Variants in ALK observed in about 807,000 individuals in gnomAD.
ALK encodes ALK tyrosine kinase receptor.
In ALK, 74 loss-of-function variants were observed where a neutral mutation model predicts 163.1. The ratio of observed to expected loss-of-function variants is 0.45; its 90% confidence interval spans 0.38 to 0.55. ALK has a LOEUF of 0.55. Ranked by LOEUF, ALK falls within the 20% of genes least tolerant of loss-of-function variation. The probability of loss-of-function intolerance (pLI) is 0.00; values close to 1 mark genes in which losing one functional copy is unlikely to be tolerated. For synonymous variants in ALK, 960 were observed against 843.2 expected, an observed-to-expected ratio of 1.14 and a Z score of -2.40; for missense variants, 2,063 against 2,105.3, an observed-to-expected ratio of 0.98 and a Z score of 0.39.
At chr2:29,771,043 GCACA>G (rs1681008871) in intron 1 of ALK, among the ~76,000 whole-genome samples, 1 of 150,984 alleles carries the variant, frequency 6.6e-6, no homozygotes, top group Non-Finnish European at 1.5e-5. Context: ...ACACATACAT[GCACA>G]CATACACAGA....
At chr2:29,241,852 A>G (rs921222997) in intron 12 of ALK, among the ~76,000 whole-genome samples, 1 of 152,132 alleles carries the variant, frequency 6.6e-6, no homozygotes, top group Non-Finnish European at 1.5e-5. Context: ...AGAGGGACTA[A>G]GTAACTCATC....
chr2:29,296,780 T>G, intron 9 of ALK, 108 bp downstream of exon 9: 3 of 1,355,364 alleles, frequency 2.2e-6, no homozygotes, highest in Non-Finnish European at 3.1e-6. Flanking sequence ...TGTGGGCACA[T>G]CTGCATGTGT....
intron 1 of ALK, among the ~76,000 whole-genome samples, chr2:29,789,703 C>T (rs182380868): frequency 1.3e-5 from 2 of 152,308 alleles, no homozygotes; most frequent in East Asian, 3.9e-4. Flanking sequence ...TGTTGTCCAG[C>T]TAAATCTCAA....
chr2:29,622,226 C>A (rs369913325), intron 3 of ALK, among the ~76,000 whole-genome samples: 1 of 152,060 alleles, frequency 6.6e-6, no homozygotes, highest in East Asian at 1.9e-4. Flanking sequence ...AACCAACCAA[C>A]AAATAAAAAG....
At chr2:29,229,840 C>T (rs1272876349) in intron 15 of ALK, among the ~76,000 whole-genome samples, 2 of 152,206 alleles carry the variant, frequency 1.3e-5, no homozygotes, top group African/African-American at 4.8e-5. Context: ...GGAACTGCTC[C>T]AAGGTCAGGA....
At chr2:29,745,452 G>A (rs1411659444) in intron 1 of ALK, among the ~76,000 whole-genome samples, 1 of 152,164 alleles carries the variant, frequency 6.6e-6, no homozygotes. Flanking sequence ...ATAATAAAAT[G>A]AGCAAAACCT....
At position 29,920,660 on chromosome 2, in the gene ALK, C is replaced by A. The variant is rs1256617432; in HGVS notation, c.-1G>T. The A allele has an allele frequency of 6.5e-7, 1 of 1,535,468 alleles. No homozygotes were observed. Among genetic ancestry groups the A allele is most frequent in the East Asian group, 2.4e-5 (1 of 40,960 alleles). On this transcript the variant is annotated 5_prime_UTR_variant, in exon 1 of 29. Transcript: ENST00000389048. ...GCCACAGGAGCCCGATGGCTCCCATCCCGCCGGAGGAGGCCGTTTACACTG... is the reference window on the plus strand; with the variant it reads ...GCCACAGGAGCCCGATGGCTCCCATACCGCCGGAGGAGGCCGTTTACACTG...
rs574551168 is a variant in ALK at position 29,856,395 on chromosome 2, T to TA, written c.667+63597dup. Among the ~76,000 whole-genome samples the TA allele has an allele frequency of 1.7e-3, 259 of 152,368 alleles. 2 individuals carry two copies. The highest frequency in any genetic ancestry group is 0.01 in the Middle Eastern group (3 of 294). On this transcript the variant is annotated intron_variant, in intron 1 of 28. Coordinates refer to ENST00000389048, the MANE Select transcript of ALK (RefSeq NM_004304.5). The stretch of plus-strand genomic sequence containing the variant: ...AAATTACCCGAACTACTACCTGTAA[T>TA]ATAAGCTATCATAGTGAAAGCAGCT...
At chr2:29,870,552 A>G (rs1666551245) in intron 1 of ALK, among the ~76,000 whole-genome samples, 1 of 152,180 alleles carries the variant, frequency 6.6e-6, no homozygotes, top group Non-Finnish European at 1.5e-5. Context: ...AACCATATCA[A>G]CCACCATTAA....
At chr2:29,869,265 C>T (rs112189913) in intron 1 of ALK, among the ~76,000 whole-genome samples, 1,741 of 152,210 alleles carry the variant, frequency 0.011, 16 homozygotes, top group Non-Finnish European at 0.017. Context: ...AATATAGAGC[C>T]CTACCTTAAC....
chr2:29,838,748 T>G (rs1485639199), intron 1 of ALK, among the ~76,000 whole-genome samples: 1 of 152,068 alleles, frequency 6.6e-6, no homozygotes, highest in African/African-American at 2.4e-5. Context: ...TGAATAACAG[T>G]GTTTGCCTCT....
rs148641655 is a variant in ALK, at chr2:29,558,908, T to C, written c.953-26792A>G. Among the ~76,000 whole-genome samples the C allele has an allele frequency of 2.3e-3, 353 of 152,298 alleles. 5 individuals carry two copies. Among genetic ancestry groups the C allele is most frequent in the African/African-American group, 8.3e-3 (344 of 41,564 alleles). On this transcript the variant is annotated intron_variant, in intron 3 of 28. Transcript: ENST00000389048. ...AAGGGACTATAGGGGTTTAGAAATG[T>C]GAAATAATCTATCAATTATTTTAAG...
At chr2:29,214,908 C>T in intron 23 of ALK, among the ~76,000 whole-genome samples, 1 of 152,220 alleles carries the variant, frequency 6.6e-6, no homozygotes. Flanking sequence ...AGGGATCTCA[C>T]CCTCCCACAG....
intron 3 of ALK, among the ~76,000 whole-genome samples, chr2:29,612,564 G>A (rs547590262): frequency 5.9e-5 from 9 of 152,144 alleles, no homozygotes; most frequent in African/African-American, 2.2e-4. Flanking sequence ...GTTCTCCCTT[G>A]AGGTCATTCA....
chr2:29,879,366 C>T (rs1666799533), intron 1 of ALK, among the ~76,000 whole-genome samples: 1 of 152,238 alleles, frequency 6.6e-6, no homozygotes, highest in Non-Finnish European at 1.5e-5. Context: ...CAACACACTG[C>T]TTCCTCCATC....
intron 5 of ALK, among the ~76,000 whole-genome samples, chr2:29,383,466 A>G (rs890630353): frequency 6.6e-6 from 1 of 152,120 alleles, no homozygotes; most frequent in Admixed American, 6.6e-5. Context: ...ACAGACGCAC[A>G]TCACCACACC....
chr2:29,312,057 C>T (rs1666712306), intron 8 of ALK, among the ~76,000 whole-genome samples: 1 of 151,836 alleles, frequency 6.6e-6, no homozygotes, highest in Non-Finnish European at 1.5e-5. Context: ...GGGCAACACC[C>T]CTCTCCACTG....
chr2:29,368,501 A>C (rs1668565980), intron 5 of ALK, among the ~76,000 whole-genome samples: 1 of 152,232 alleles, frequency 6.6e-6, no homozygotes, highest in African/African-American at 2.4e-5. Context: ...TGAATTCTCT[A>C]GTAAAGTCTC....
chr2:29,879,638 G>C (rs562517136), intron 1 of ALK, among the ~76,000 whole-genome samples: 1 of 152,192 alleles, frequency 6.6e-6, no homozygotes, highest in Non-Finnish European at 1.5e-5. Context: ...CATTCAGCTT[G>C]ACTCAAACAA....
Sources: gnomAD v4.1 joint callset for allele counts (sites outside exome capture counted in the v4.1 genomes callset) on GRCh38, gnomAD v4.1.1 for gene constraint, MANE v1.5 for transcripts, NCBI Gene and HGNC (gene_info 2026-07-23, HGNC 2026-07-21) for gene names.